The following CD200 variants were observed in gnomAD, a reference collection of about 807,000 sequenced individuals.
CD200 encodes CD200 molecule, also known as OX-2 membrane glycoprotein.
In CD200, 15 loss-of-function variants were observed where a neutral mutation model predicts 30.9. That is an observed-to-expected ratio of 0.49 (90% CI 0.32 to 0.75). CD200 has a LOEUF of 0.75. Among genes scored for constraint, CD200 ranks in the 30% least tolerant of loss-of-function variants. CD200 has a pLI of 0.03. For synonymous variants in CD200, 134 were observed against 126.2 expected, an observed-to-expected ratio of 1.06 and a Z score of -0.41; for missense variants, 262 against 324.2, an observed-to-expected ratio of 0.81 and a Z score of 1.47.
intron 1 of CD200, chr3:112,333,704 G>A: frequency 2.0e-6 from 2 of 985,446 alleles, no homozygotes; most frequent in African/African-American, 1.7e-5. Flanking sequence ...CTTTCTCCGG[G>A]AGAGCTCCTG....
At chr3:112,359,216 TC>T (rs770738230) in intron 5 of CD200, among the ~76,000 whole-genome samples, 15 of 152,164 alleles carry the variant, frequency 9.9e-5, no homozygotes, top group Admixed American at 2.0e-4. Context: ...AATCAACCAT[TC>T]AAAGTCAGGC....
At chr3:112,342,795 T>G (rs529997363) in intron 2 of CD200, among the ~76,000 whole-genome samples, 15 of 152,184 alleles carry the variant, frequency 9.9e-5, no homozygotes, top group Non-Finnish European at 2.2e-4. Context: ...ATTTATGATT[T>G]TTTCTATGCT....
intron 2 of CD200, among the ~76,000 whole-genome samples, chr3:112,343,788 T>A (rs1252039839): frequency 1.3e-5 from 2 of 152,214 alleles, no homozygotes; most frequent in Non-Finnish European, 2.9e-5. Flanking sequence ...TAGATCTGAT[T>A]TTAGATTGTT....
chr3:112,340,406 C>T (rs1211935176), intron 1 of CD200, among the ~76,000 whole-genome samples: 4 of 152,066 alleles, frequency 2.6e-5, no homozygotes, highest in South Asian at 4.2e-4. Context: ...TTAAAACATG[C>T]GGTTTATATG....
chr3:112,335,082 G>A (rs752390052), intron 1 of CD200, among the ~76,000 whole-genome samples: 6 of 152,202 alleles, frequency 3.9e-5, no homozygotes, highest in Admixed American at 6.5e-5. Context: ...AAAATGTGTT[G>A]GGTGGGCACT....
At chr3:112,343,125 A>G (rs2081305962) in intron 2 of CD200, among the ~76,000 whole-genome samples, 1 of 152,086 alleles carries the variant, frequency 6.6e-6, no homozygotes, top group Admixed American at 6.6e-5. Flanking sequence ...GAGATTTTCC[A>G]TCAAATAATC....
At chr3:112,345,353 A>T (rs2081360165) in intron 3 of CD200, 65 bp downstream of exon 3, 1 of 1,333,562 alleles carries the variant, frequency 7.5e-7, no homozygotes, top group South Asian at 1.3e-5. Context: ...TTTGGAATAT[A>T]GCCGTAGTGC....
intron 5 of CD200, among the ~76,000 whole-genome samples, chr3:112,356,999 C>T (rs2081635062): frequency 6.6e-6 from 1 of 152,150 alleles, no homozygotes; most frequent in Admixed American, 6.5e-5. Flanking sequence ...CGGTGGCTCA[C>T]GCCTGTAATC....
chr3:112,351,371 TA>T (rs2081528549), intron 5 of CD200, among the ~76,000 whole-genome samples: 1 of 152,234 alleles, frequency 6.6e-6, no homozygotes, highest in South Asian at 2.1e-4. Flanking sequence ...AATTCATTTT[TA>T]AAAGTCCCTC....
At chr3:112,341,510 C>T (rs993164827) in intron 2 of CD200, among the ~76,000 whole-genome samples, 5 of 152,154 alleles carry the variant, frequency 3.3e-5, no homozygotes, top group African/African-American at 1.2e-4. Flanking sequence ...CTTGGGAGGC[C>T]ACACTCACTT....
chr3:112,342,544 T>C (rs2081293294), intron 2 of CD200, among the ~76,000 whole-genome samples: 1 of 151,780 alleles, frequency 6.6e-6, no homozygotes. Context: ...TGCCTCAGCC[T>C]CCTGAGTAGC....
In CD200 at chr3:112,345,268, C is replaced by T. The variant is rs368810090; in HGVS notation, c.401C>T (p.Thr134Met). The change falls in exon 3 of 6, where the codon ACG becomes ATG. Residue 134 changes from threonine (T) to methionine (M), a missense_variant. Physicochemically the swap from Thr to Met is moderately conservative, Grantham distance 81. Coordinates refer to ENST00000315711, the MANE Select transcript of CD200 (RefSeq NM_005944.7). ...NTFGFGKISG[T>M]ACLTVYVQPI... ...TTTGGTTTTGGGAAGATCTCAGGAA[C>T]GGCCTGCCTCACCGTCTATGGTGAG... 196 of 1,612,898 alleles carry T rather than the reference C, an allele frequency of 1.2e-4. No homozygotes were observed. Among genetic ancestry groups the T allele is most frequent in the Middle Eastern group, 1.6e-4 (1 of 6,080 alleles).
chr3:112,347,916 C>A, intron 4 of CD200, 86 bp downstream of exon 4: 1 of 1,193,052 alleles, frequency 8.4e-7, no homozygotes, highest in Non-Finnish European at 1.2e-6. Context: ...GGTTTTCAGC[C>A]TCTTAGCATA....
At chr3:112,345,367 G>T (rs1429658858) in intron 3 of CD200, 79 bp downstream of exon 3, 2 of 1,162,092 alleles carry the variant, frequency 1.7e-6, no homozygotes, top group Non-Finnish European at 2.5e-6. Context: ...GTAGTGCCCA[G>T]TTTTTCAGGA....
At chr3:112,334,294 A>T in intron 1 of CD200, 1 of 981,960 alleles carries the variant, frequency 1.0e-6, no homozygotes, top group Non-Finnish European at 1.2e-6. Context: ...CCAGGTGGGC[A>T]GCTGTCTGGT....
intron 1 of CD200, among the ~76,000 whole-genome samples, chr3:112,338,929 G>A (rs1013170225): frequency 2.6e-5 from 4 of 152,154 alleles, no homozygotes; most frequent in Admixed American, 1.3e-4. Flanking sequence ...TCACTTCACA[G>A]CTGTGTGACC....
chr3:112,357,013 G>A (rs1461401187), intron 5 of CD200, among the ~76,000 whole-genome samples: 1 of 152,222 alleles, frequency 6.6e-6, no homozygotes. Context: ...TGTAATCCCA[G>A]CACTTTGGGA....
intron 5 of CD200, among the ~76,000 whole-genome samples, chr3:112,351,426 A>G (rs2081529368): frequency 1.3e-5 from 2 of 152,212 alleles, no homozygotes; most frequent in Admixed American, 1.3e-4. Flanking sequence ...GCCTGAGGTA[A>G]ATTCTACTGG....
chr3:112,359,413 C>T (rs187701213), intron 5 of CD200, among the ~76,000 whole-genome samples: 4 of 152,190 alleles, frequency 2.6e-5, no homozygotes, highest in Admixed American at 6.5e-5. Context: ...ATAGTCTCAC[C>T]ACTCAGGGAA....
Sources: allele counts gnomAD v4.1 joint callset (sites outside exome capture counted in the v4.1 genomes callset), GRCh38; gene constraint gnomAD v4.1.1; transcripts MANE v1.5; gene names NCBI Gene and HGNC (gene_info 2026-07-23, HGNC 2026-07-21).